MYH14: variants seen among roughly 807,000 people sequenced by gnomAD.
The protein encoded by MYH14 is myosin-14.
A neutral mutation model predicts 255.5 loss-of-function variants in MYH14; 123 were observed. The ratio of observed to expected loss-of-function variants is 0.48; its 90% CI spans 0.42 to 0.56. The LOEUF (loss-of-function observed/expected upper bound fraction) is 0.56. Among genes scored for constraint, MYH14 ranks in the 20% least tolerant of loss-of-function variants. The probability of loss-of-function intolerance (pLI) is 0.00; values close to 1 mark genes in which losing one functional copy is unlikely to be tolerated. For missense variants in MYH14, 2,423 were observed against 2,802.3 expected (o/e 0.86, Z 3.06); for synonymous variants, 1,095 against 1,161.2 (o/e 0.94, Z 1.16).
chr19:50,231,747 G>A lies in MYH14; in HGVS notation c.974-183G>A, dbSNP rs560081373. Among the ~76,000 whole-genome samples the A allele has an allele frequency of 1.1e-4, 16 of 147,578 alleles. No individual in the cohort carries two copies. The South Asian group carries it at 3.4e-3, about 32-fold the overall frequency. ...AAAAAAAAAAAATAGAGACAGAGTG[G>A]TGGTCTCATAGGTGCTAAACGCCCA... On this transcript the variant is annotated intron_variant, in intron 9 of 42. Coordinates refer to ENST00000642316, the MANE Select transcript of MYH14 (RefSeq NM_001145809.2).
chr19:50,218,852 A>G (rs1351337277), intron 3 of MYH14, among the ~76,000 whole-genome samples: 2 of 151,824 alleles, frequency 1.3e-5, no homozygotes, highest in Non-Finnish European at 1.5e-5. Context: ...AAGTGAGAAC[A>G]TACGATGTTT....
intron 39 of MYH14, among the ~76,000 whole-genome samples, chr19:50,298,311 G>A (rs562242948): frequency 3.9e-5 from 6 of 152,206 alleles, no homozygotes; most frequent in African/African-American, 1.4e-4. Flanking sequence ...GGAGGTTAGA[G>A]AGAGAGGTTC....
chr19:50,246,211 C>T (rs1355311213), intron 11 of MYH14, among the ~76,000 whole-genome samples: 1 of 151,306 alleles, frequency 6.6e-6, no homozygotes, highest in Non-Finnish European at 1.5e-5. Flanking sequence ...ACCATCTCAG[C>T]TCACTGCAAC....
At chr19:50,217,828 C>T in intron 3 of MYH14, 57 bp downstream of exon 3, 2 of 1,583,532 alleles carry the variant, frequency 1.3e-6, no homozygotes, top group South Asian at 2.3e-5. Context: ...GGGGCCTGAC[C>T]TGGGGCTGCC....
intron 24 of MYH14, among the ~76,000 whole-genome samples, chr19:50,270,390 G>A (rs140552102): frequency 0.13 from 20,348 of 151,566 alleles, 1,685 homozygotes; most frequent in Middle Eastern, 0.2. Flanking sequence ...TGTGGTAGCG[G>A]GTGCCTGTAA....
chr19:50,227,091 A>AG, intron 8 of MYH14, 125 bp downstream of exon 8: 1 of 467,822 alleles, frequency 2.1e-6, no homozygotes, highest in South Asian at 1.6e-5. Flanking sequence ...CCTGATGCTC[A>AG]GGCGGCATCT....
In MYH14 at chr19:50,258,730, A is replaced by AC. The variant is rs1164334068; in HGVS notation, c.2233-414_2233-413insC. 595 of 141,456 alleles carry AC rather than the reference A, an allele frequency of 4.2e-3. 8 individuals are homozygous for AC. Among genetic ancestry groups the AC allele is most frequent in the Middle Eastern group, 0.028 (8 of 290 alleles). 8.8% of individuals were successfully genotyped at this position (141,456 alleles called of 1,614,324 possible). ...GAGCAAGACTCTGTCTCAAAAAAAA[A>AC]AAAAAAAAAAAAAACGAACAAACAA... On this transcript the variant is annotated intron_variant, in intron 18 of 42. Coordinates refer to ENST00000642316, the MANE Select transcript of MYH14 (RefSeq NM_001145809.2).
chr19:50,265,972 G>A (rs2035067986), intron 22 of MYH14, among the ~76,000 whole-genome samples: 1 of 152,128 alleles, frequency 6.6e-6, no homozygotes, highest in Non-Finnish European at 1.5e-5. Context: ...GATTTGATTG[G>A]CATCATTTGA....
At chr19:50,262,384 C>T (rs1207186703) in intron 21 of MYH14, among the ~76,000 whole-genome samples, 1 of 151,866 alleles carries the variant, frequency 6.6e-6, no homozygotes, top group Non-Finnish European at 1.5e-5. Flanking sequence ...ATGGTGAAAC[C>T]CCATCTCTAC....
intron 2 of MYH14, among the ~76,000 whole-genome samples, chr19:50,216,241 G>A (rs11084006): frequency 0.36 from 55,387 of 151,902 alleles, 11,287 homozygotes; most frequent in South Asian, 0.55. Context: ...TTGGGAGGCC[G>A]AGGTGGGCAG....
intron 3 of MYH14, among the ~76,000 whole-genome samples, chr19:50,219,972 A>G (rs4801819): frequency 0.5 from 76,065 of 151,658 alleles, 21,811 homozygotes; most frequent in Non-Finnish European, 0.64. Flanking sequence ...AGGCCAAGGC[A>G]GGAGAATTGC....
At chr19:50,232,878 A>C (rs370134455) in intron 10 of MYH14, among the ~76,000 whole-genome samples, 4 of 152,168 alleles carry the variant, frequency 2.6e-5, no homozygotes, top group African/African-American at 7.2e-5. Flanking sequence ...GGGAGTCTCA[A>C]ACGCCAGCCT....
chr19:50,309,420 C>G (rs1792369381), intron 42 of MYH14: 1 of 614,822 alleles, frequency 1.6e-6, no homozygotes, highest in South Asian at 2.0e-5. Context: ...ACCTTTCTCT[C>G]CTTTCCTCCT....
rs567917288 is a variant in MYH14 at position 50,310,236 on chromosome 19, C to T, written c.*446C>T. The T allele has an allele frequency of 4.0e-5, 9 of 227,036 alleles. 1 individual carries two copies. The South Asian group carries it at 5.4e-4, about 14-fold the overall frequency. 14.1% of individuals were successfully genotyped at this position (227,036 alleles called of 1,614,324 possible). A position where few individuals can be genotyped will look rare whatever the true frequency, so the allele number is the denominator to read the frequency against. On this transcript the variant is annotated 3_prime_UTR_variant, in exon 43 of 43. Coordinates refer to ENST00000642316, the MANE Select transcript of MYH14 (RefSeq NM_001145809.2). ...ACCCTCTCACCATCTTTCTTGGCCT[C>T]TCTGAGGGTCTCTCTGTGCATCTTT...
Position 50,232,038 on chromosome 19 carries a change from G to T in MYH14, c.1082G>T (p.Arg361Leu), listed in dbSNP as rs139215122. Residue 361 changes from arginine (R) to leucine (L), a missense_variant, in exon 10 of 43, where the codon CGG becomes CTG. By Grantham distance (102) the Arg-to-Leu change is moderately radical. Transcript: ENST00000642316. ...ELFQETLESLRVLGFSHEEII... is the reference protein window; with the variant it reads ...ELFQETLESLLVLGFSHEEII... ...TTCCAGGAGACGCTGGAGTCGCTGC[G>T]GGTCCTGGGATTCAGCCACGAGGAA... 1 of 1,613,090 alleles carries T rather than the reference G, an allele frequency of 6.2e-7. No individual in the cohort carries two copies.
At chr19:50,229,373 C>A (rs528150700) in intron 8 of MYH14, among the ~76,000 whole-genome samples, 2 of 152,202 alleles carry the variant, frequency 1.3e-5, no homozygotes, top group East Asian at 3.9e-4. Flanking sequence ...TTTGGCTGGG[C>A]GCAGTGGCTC....
chr19:50,241,562 G>T (rs1307156355), intron 10 of MYH14, among the ~76,000 whole-genome samples: 3 of 152,110 alleles, frequency 2.0e-5, no homozygotes, highest in African/African-American at 7.2e-5. Context: ...GATCAATTTT[G>T]ATTGAGTCCT....
chr19:50,209,033 A>T (rs2031997883), intron 1 of MYH14, among the ~76,000 whole-genome samples: 1 of 152,136 alleles, frequency 6.6e-6, no homozygotes, highest in African/African-American at 2.4e-5. Flanking sequence ...ATGCCTGTTA[A>T]TACATTTATT....
In MYH14 at chr19:50,271,987, A is replaced by G. The variant is rs1301369471; in HGVS notation, c.3295+15A>G. 6.2e-7 allele frequency: 1 copy of G among 1,605,280 alleles called. No homozygotes were observed. Among genetic ancestry groups the G allele is most frequent in the Admixed American group, 1.7e-5 (1 of 58,764 alleles). The stretch of plus-strand genomic sequence containing the variant: ...AGACATGGAGGGTGAGCTCCCGCCC[A>G]GCCAGTAGGGGTCTGTGTGTGCTCT... On this transcript the variant is annotated intron_variant, in intron 26 of 42. Transcript: ENST00000642316.
Sources: allele counts gnomAD v4.1 joint callset (sites outside exome capture counted in the v4.1 genomes callset), GRCh38; gene constraint gnomAD v4.1.1; transcripts MANE v1.5; gene names NCBI Gene and HGNC (gene_info 2026-07-23, HGNC 2026-07-21).